Variants in ADAMTS12 observed in about 807,000 individuals in gnomAD.
The protein encoded by ADAMTS12 is ADAM metallopeptidase with thrombospondin type 1 motif 12.
ADAMTS12 carries 118 observed loss-of-function variants against 167.8 expected under a neutral mutation model. The observed-to-expected ratio is 0.70, with a 90% CI of 0.61 to 0.82. The LOEUF is 0.82. ADAMTS12 is among the 40% of genes least tolerant of loss of function. The probability of loss-of-function intolerance (pLI) is 0.00; values close to 1 mark genes in which losing one functional copy is unlikely to be tolerated. For synonymous variants in ADAMTS12, 704 were observed against 716.9 expected, an observed-to-expected ratio of 0.98 and a Z score of 0.29; for missense variants, 1,916 against 1,998.8, an observed-to-expected ratio of 0.96 and a Z score of 0.79.
chr5:33,790,889 G>A, intron 2 of ADAMTS12, among the ~76,000 whole-genome samples: 1 of 151,686 alleles, frequency 6.6e-6, no homozygotes, highest in East Asian at 1.9e-4. Flanking sequence ...TGAATAGGTG[G>A]TGCTGTGTTC....
chr5:33,647,573 A>C (rs967839114), intron 9 of ADAMTS12, among the ~76,000 whole-genome samples: 1 of 152,166 alleles, frequency 6.6e-6, no homozygotes, highest in Non-Finnish European at 1.5e-5. Context: ...TCTACTGAAA[A>C]TACAAAAATT....
At chr5:33,683,135 A>G in intron 4 of ADAMTS12, 34 bp from the exon 5 acceptor site, 2 of 1,460,590 alleles carry the variant, frequency 1.4e-6, no homozygotes, top group Non-Finnish European at 1.9e-6. Flanking sequence ...TTAGCTCCAC[A>G]CGAAGAGATA....
chr5:33,891,415 C>G (rs1010993301), intron 1 of ADAMTS12: 3 of 288,466 alleles, frequency 1.0e-5, no homozygotes, highest in Admixed American at 4.8e-5. Flanking sequence ...GGGATCAAAA[C>G]AGTACAGCAT....
chr5:33,653,020 C>T (rs1740924704), intron 7 of ADAMTS12, among the ~76,000 whole-genome samples: 1 of 152,026 alleles, frequency 6.6e-6, no homozygotes, highest in African/African-American at 2.4e-5. Flanking sequence ...TATTTCCTTT[C>T]CTTATCTTAT....
intron 16 of ADAMTS12, among the ~76,000 whole-genome samples, chr5:33,606,736 G>C (rs1164153132): frequency 1.3e-5 from 2 of 152,142 alleles, no homozygotes; most frequent in Non-Finnish European, 2.9e-5. Context: ...GAAAAAAGAG[G>C]AAAAATAACC....
intron 12 of ADAMTS12, among the ~76,000 whole-genome samples, chr5:33,636,741 T>G (rs1740215420): frequency 6.6e-6 from 1 of 152,206 alleles, no homozygotes; most frequent in Admixed American, 6.5e-5. Context: ...TAAATTTCTT[T>G]AACACAGGAA....
chr5:33,627,313 G>T (rs1438057162), intron 13 of ADAMTS12, among the ~76,000 whole-genome samples: 2 of 150,538 alleles, frequency 1.3e-5, no homozygotes, highest in East Asian at 4.0e-4. Flanking sequence ...TGATGATGGT[G>T]GTGGGGATGG....
chr5:33,756,138 G>A (rs1034212308), intron 2 of ADAMTS12, among the ~76,000 whole-genome samples: 1 of 152,194 alleles, frequency 6.6e-6, no homozygotes, highest in Non-Finnish European at 1.5e-5. Context: ...TAACAAGTAG[G>A]GAAGGGAACA....
intron 20 of ADAMTS12, among the ~76,000 whole-genome samples, chr5:33,554,648 T>TA (rs1180519678): frequency 6.6e-6 from 1 of 152,220 alleles, no homozygotes; most frequent in Non-Finnish European, 1.5e-5. Flanking sequence ...TGGACTTTAG[T>TA]AAATGTTTCT....
Position 33,614,511 on chromosome 5 carries a change from ATCTATACCTATGTCTGTGCCTATG to A in ADAMTS12, c.2389-159_2389-136del, listed in dbSNP as rs539693217. ...GCATTGGAATAAAGCCATTAAATAG[ATCTATACCTATGTCTGTGCCTATG>A]TCTATACCTATGTCTGTGTCTAAGT... is the stretch of plus-strand genomic sequence containing the variant. On this transcript the variant is annotated intron_variant, in intron 15 of 23. Transcript: ENST00000504830. 6,163 of 1,014,318 alleles carry A rather than the reference ATCTATACCTATGTCTGTGCCTATG, an allele frequency of 6.1e-3. 48 individuals are homozygous for A. The highest frequency in any genetic ancestry group is 7.6e-3 in the Non-Finnish European group (5,242 of 690,062). 62.8% of individuals were successfully genotyped at this position (1,014,318 alleles called of 1,614,324 possible).
intron 2 of ADAMTS12, among the ~76,000 whole-genome samples, chr5:33,851,563 T>TA (rs1175285353): frequency 6.6e-6 from 1 of 152,212 alleles, no homozygotes; most frequent in Non-Finnish European, 1.5e-5. Context: ...CACTCACCGA[T>TA]ACATCTCAAA....
chr5:33,670,265 A>G (rs10941078), intron 5 of ADAMTS12, among the ~76,000 whole-genome samples: 145,028 of 152,202 alleles, frequency 0.95, 69,491 homozygotes, highest in Non-Finnish European at 1. Context: ...ACTAGCTATC[A>G]GGGAATTGCA....
chr5:33,728,993 T>C (rs1308673054), intron 3 of ADAMTS12, among the ~76,000 whole-genome samples: 1 of 152,256 alleles, frequency 6.6e-6, no homozygotes, highest in Non-Finnish European at 1.5e-5. Context: ...TGTGTATATG[T>C]ACATGATATG....
intron 2 of ADAMTS12, among the ~76,000 whole-genome samples, chr5:33,858,251 C>G (rs1373984777): frequency 1.3e-5 from 2 of 152,106 alleles, no homozygotes; most frequent in Non-Finnish European, 2.9e-5. Flanking sequence ...AAGTCTCAAA[C>G]AAATTAAAAA....
intron 9 of ADAMTS12, among the ~76,000 whole-genome samples, chr5:33,645,294 C>T (rs1740621146): frequency 6.6e-6 from 1 of 151,930 alleles, no homozygotes; most frequent in Non-Finnish European, 1.5e-5. Flanking sequence ...CCAGTATTTC[C>T]ACACACCCCC....
chr5:33,823,729 A>G (rs1747949574), intron 2 of ADAMTS12, among the ~76,000 whole-genome samples: 1 of 150,730 alleles, frequency 6.6e-6, no homozygotes, highest in Admixed American at 6.6e-5. Flanking sequence ...GTTTTGGCTT[A>G]TTTTCAATAT....
intron 2 of ADAMTS12, among the ~76,000 whole-genome samples, chr5:33,753,435 T>C (rs1435405079): frequency 2.6e-5 from 4 of 152,186 alleles, no homozygotes; most frequent in Non-Finnish European, 5.9e-5. Flanking sequence ...CCGTTTCTCC[T>C]CTGAGTCAGA....
intron 2 of ADAMTS12, among the ~76,000 whole-genome samples, chr5:33,794,608 G>A (rs936692995): frequency 8.5e-6 from 1 of 118,326 alleles, no homozygotes; most frequent in Non-Finnish European, 1.9e-5. Flanking sequence ...CGAGGTGCAG[G>A]TAGGCACGGC....
At chr5:33,779,526 C>T (rs114120468) in intron 2 of ADAMTS12, among the ~76,000 whole-genome samples, 7,663 of 152,188 alleles carry the variant, frequency 0.05, 687 homozygotes, top group African/African-American at 0.18. Context: ...CTCCTATGCT[C>T]ATTGCAGCAT....
Sources: allele counts gnomAD v4.1 joint callset (sites outside exome capture counted in the v4.1 genomes callset), GRCh38; gene constraint gnomAD v4.1.1; transcripts MANE v1.5; gene names NCBI Gene and HGNC (gene_info 2026-07-23, HGNC 2026-07-21).